DPYD: variants seen among roughly 807,000 people sequenced by gnomAD.
DPYD encodes the protein dihydropyrimidine dehydrogenase [NADP(+)].
DPYD carries 109 observed loss-of-function variants against 116.2 expected under a neutral mutation model. The observed-to-expected ratio is 0.94, with a 90% CI of 0.80 to 1.10. The LOEUF (loss-of-function observed/expected upper bound fraction) is 1.10. Among genes scored for constraint, DPYD ranks in the 50% least tolerant of loss-of-function variants. DPYD has a pLI of 0.00. For synonymous variants in DPYD, 440 were observed against 432.0 expected (o/e 1.02, Z -0.23); for missense variants, 1,302 against 1,254.5 (o/e 1.04, Z -0.57).
intron 12 of DPYD, among the ~76,000 whole-genome samples, chr1:97,520,933 C>G (rs1369030275): frequency 6.6e-6 from 1 of 152,044 alleles, no homozygotes; most frequent in East Asian, 1.9e-4. Context: ...CTTCAATAAA[C>G]ATGTGTGTGC....
chr1:97,643,990 G>C (rs984115397), intron 8 of DPYD, among the ~76,000 whole-genome samples: 4 of 151,948 alleles, frequency 2.6e-5, no homozygotes, highest in African/African-American at 9.7e-5. Context: ...GTAGATGAGG[G>C]ATTGATGGGT....
Position 97,373,659 on chromosome 1 carries a change from G to A in DPYD, c.1975-15C>T. ...GCTCCAGAATCCTTTAAACAAGAAA[G>A]GAAAATGAAAGAAAAGGCAAAGCTT... On this transcript the variant is annotated splice_polypyrimidine_tract_variant and intron_variant, in intron 15 of 22. Transcript: ENST00000370192. The A allele has an allele frequency of 6.2e-7, 1 of 1,611,494 alleles. No individual in the cohort carries two copies. The highest frequency in any genetic ancestry group is 1.3e-5 in the African/African-American group (1 of 74,964).
At chr1:97,393,485 A>T in intron 14 of DPYD, among the ~76,000 whole-genome samples, 1 of 151,082 alleles carries the variant, frequency 6.6e-6, no homozygotes, top group Admixed American at 6.6e-5. Flanking sequence ...GATGTTCCCT[A>T]CCTTGTGTCC....
chr1:97,751,458 GTGTATATATATATATATATATA>G (rs1194290950), intron 3 of DPYD, among the ~76,000 whole-genome samples: 11 of 22,058 alleles, frequency 5.0e-4, no homozygotes, highest in Admixed American at 3.4e-3. Flanking sequence ...GTGTGTGTGT[GTGTATATATATATATATATATA>G]TATATATATA....
At chr1:97,641,357 GA>G (rs1322111396) in intron 8 of DPYD, among the ~76,000 whole-genome samples, 4 of 151,936 alleles carry the variant, frequency 2.6e-5, no homozygotes, top group Admixed American at 2.0e-4. Context: ...GGAGATAGAA[GA>G]AACAAAAAGT....
At chr1:97,761,099 C>T (rs1437044185) in intron 3 of DPYD, among the ~76,000 whole-genome samples, 2 of 152,040 alleles carry the variant, frequency 1.3e-5, no homozygotes, top group African/African-American at 4.8e-5. Flanking sequence ...CTCCCAGAGC[C>T]ACCAGTTTAA....
chr1:97,910,882 C>T (rs1327723829), intron 1 of DPYD, among the ~76,000 whole-genome samples: 3 of 152,030 alleles, frequency 2.0e-5, no homozygotes, highest in East Asian at 1.9e-4. Flanking sequence ...ATCTGTTATA[C>T]TTCTACTTTT....
intron 4 of DPYD, among the ~76,000 whole-genome samples, chr1:97,738,032 C>T (rs1204101948): frequency 6.6e-6 from 1 of 152,098 alleles, no homozygotes; most frequent in Non-Finnish European, 1.5e-5. Flanking sequence ...TTTATAAACA[C>T]ATGCAAAATC....
Position 97,901,982 on chromosome 1 carries a change from T to C in DPYD, c.40-18608A>G, listed in dbSNP as rs181896089. On this transcript the variant is annotated intron_variant, in intron 1 of 22. Transcript: ENST00000370192. ...CATATATTATTAAACCCTCAAATTC[T>C]TGTATTCCAATTGAAATCCACATAG... Among the ~76,000 whole-genome samples, 19 of 151,982 alleles carry C rather than the reference T, an allele frequency of 1.3e-4. No individual in the cohort carries two copies. In the East Asian group the frequency reaches 3.7e-3, roughly 30 times the overall value.
chr1:97,284,001 C>T (rs1307795133), intron 18 of DPYD, among the ~76,000 whole-genome samples: 1 of 152,092 alleles, frequency 6.6e-6, no homozygotes, highest in Non-Finnish European at 1.5e-5. Flanking sequence ...TAATAAAAGG[C>T]AGCCGATATA....
chr1:97,344,308 A>C (rs1220402054), intron 16 of DPYD, among the ~76,000 whole-genome samples: 1 of 151,972 alleles, frequency 6.6e-6, no homozygotes, highest in Non-Finnish European at 1.5e-5. Context: ...TAGACAGACC[A>C]ACATTCACGC....
intron 20 of DPYD, among the ~76,000 whole-genome samples, chr1:97,115,602 A>G (rs991233615): frequency 2.0e-5 from 3 of 152,188 alleles, no homozygotes; most frequent in African/African-American, 4.8e-5. Context: ...GTGAGCACAC[A>G]CTACTTTTAT....
intron 16 of DPYD, among the ~76,000 whole-genome samples, chr1:97,361,131 G>A (rs768579176): frequency 3.3e-5 from 5 of 151,984 alleles, no homozygotes; most frequent in African/African-American, 4.8e-5. Context: ...ATATCACCAC[G>A]GATCCCACAG....
chr1:97,299,251 T>A (rs563926598), intron 18 of DPYD, among the ~76,000 whole-genome samples: 5 of 152,256 alleles, frequency 3.3e-5, no homozygotes, highest in Admixed American at 3.3e-4. Context: ...CATTTTTTGA[T>A]TAATTTCAAG....
At chr1:97,654,260 A>AT (rs1019369380) in intron 8 of DPYD, among the ~76,000 whole-genome samples, 1 of 152,266 alleles carries the variant, frequency 6.6e-6, no homozygotes, top group East Asian at 1.9e-4. Context: ...TAACCCTGAG[A>AT]TTTTTTGCAT....
rs1665656688 is a variant in DPYD at position 97,286,043 on chromosome 1, T to A, written c.2299+19216A>T. Among the ~76,000 whole-genome samples, 3 of 152,226 alleles carry A rather than the reference T, an allele frequency of 2.0e-5. No individual in the cohort carries two copies. The South Asian group carries it at 6.2e-4, about 32-fold the overall frequency. The stretch of plus-strand genomic sequence containing the variant: ...ATAATCTTTACAATTTGGCATGATT[T>A]TGCAGTGGCTGGAACCGGTTGTTCC... On this transcript the variant is annotated intron_variant, in intron 18 of 22. Coordinates refer to ENST00000370192, the MANE Select transcript of DPYD (RefSeq NM_000110.4).
intron 13 of DPYD, among the ~76,000 whole-genome samples, chr1:97,456,695 G>A (rs1676708836): frequency 6.6e-6 from 1 of 151,938 alleles, no homozygotes; most frequent in Admixed American, 6.6e-5. Flanking sequence ...TTGAGAGCTG[G>A]GCAACTAGTA....
rs551486678 is a variant in DPYD, at chr1:97,921,014, C to T, written c.-92G>A. ...GAGCCAAGTGACAGCAGCCGGAGCG[C>T]GAGTCGAAAACAGGCAGACTAGGGC... On this transcript the variant is annotated 5_prime_UTR_variant, in exon 1 of 23. Transcript: ENST00000370192. 8 of 1,510,382 alleles carry T rather than the reference C, an allele frequency of 5.3e-6. No individual in the cohort carries two copies. The East Asian group carries it at 1.7e-4, about 33-fold the overall frequency. 93.6% of individuals were successfully genotyped at this position (1,510,382 alleles called of 1,614,324 possible).
At chr1:97,512,537 T>C (rs1029490488) in intron 13 of DPYD, among the ~76,000 whole-genome samples, 5 of 151,890 alleles carry the variant, frequency 3.3e-5, no homozygotes, top group Admixed American at 2.0e-4. Flanking sequence ...ATTTGCAGTA[T>C]ATAATATGTA....
Sources: gnomAD v4.1 joint callset for allele counts (sites outside exome capture counted in the v4.1 genomes callset) on GRCh38, gnomAD v4.1.1 for gene constraint, MANE v1.5 for transcripts, NCBI Gene and HGNC (gene_info 2026-07-23, HGNC 2026-07-21) for gene names.